The following GALNT17 variants were observed in gnomAD, a reference collection of about 807,000 sequenced individuals.
GALNT17 encodes the protein UDP-GalNAc:polypeptide N-acetylgalactosaminyltransferase-like 3.
A neutral mutation model predicts 63.7 loss-of-function variants in GALNT17; 29 were observed. The ratio of observed to expected loss-of-function variants is 0.46; its 90% CI spans 0.34 to 0.62. GALNT17 has a LOEUF of 0.62. GALNT17 is among the 20% of genes least tolerant of loss of function. The pLI, the probability that GALNT17 is intolerant of heterozygous loss-of-function variation, is 0.01. For synonymous variants in GALNT17, 305 were observed against 318.3 expected (o/e 0.96, Z 0.45); for missense variants, 603 against 799.6 (o/e 0.75, Z 2.97).
intron 1 of GALNT17, among the ~76,000 whole-genome samples, chr7:71,257,388 T>A (rs566247900): frequency 6.6e-6 from 1 of 152,286 alleles, no homozygotes; most frequent in African/African-American, 2.4e-5. Context: ...TCCAAGTAGG[T>A]GGATTAGCTA....
At chr7:71,543,362 A>C (rs1459775919) in intron 5 of GALNT17, among the ~76,000 whole-genome samples, 1 of 152,236 alleles carries the variant, frequency 6.6e-6, no homozygotes, top group Admixed American at 6.5e-5. Context: ...TCGACTAACC[A>C]GGAGACAGGA....
At chr7:71,334,019 A>G (rs1434205997) in intron 1 of GALNT17, among the ~76,000 whole-genome samples, 1 of 152,136 alleles carries the variant, frequency 6.6e-6, no homozygotes, top group African/African-American at 2.4e-5. Flanking sequence ...AGCAGGTAGA[A>G]AGTGCTGGAG....
At position 71,263,856 on chromosome 7, in the gene GALNT17, G is replaced by A. The variant is rs541640111; in HGVS notation, c.239-71694G>A. Among the ~76,000 whole-genome samples, 20 of 151,320 alleles carry A rather than the reference G, an allele frequency of 1.3e-4. No homozygotes were observed. In the South Asian group the frequency reaches 4.0e-3, roughly 30 times the overall value. ...GGAGAATGGCGTGAACCCGGGAGGC[G>A]GAGCTTGCAGTGAGCCGAGATCACA... On this transcript the variant is annotated intron_variant, in intron 1 of 10. Transcript: ENST00000333538.
intron 9 of GALNT17, among the ~76,000 whole-genome samples, chr7:71,705,513 T>C (rs538638881): frequency 2.9e-4 from 44 of 152,316 alleles, no homozygotes; most frequent in Admixed American, 2.4e-3. Context: ...GTAATTCTAC[T>C]CCTAGGTGTA....
intron 1 of GALNT17, among the ~76,000 whole-genome samples, chr7:71,177,304 G>T (rs1001775009): frequency 6.6e-6 from 1 of 152,066 alleles, no homozygotes; most frequent in Non-Finnish European, 1.5e-5. Flanking sequence ...TCTGTCTCCA[G>T]TCACTCAGGG....
intron 5 of GALNT17, among the ~76,000 whole-genome samples, chr7:71,436,990 G>A (rs1044546936): frequency 1.3e-5 from 2 of 152,182 alleles, no homozygotes; most frequent in South Asian, 2.1e-4. Context: ...CACCAAGGAA[G>A]ATGTGTGAAG....
chr7:71,690,768 A>G (rs777943686), intron 9 of GALNT17, among the ~76,000 whole-genome samples: 4 of 152,126 alleles, frequency 2.6e-5, no homozygotes, highest in Admixed American at 6.6e-5. Flanking sequence ...GGAGGAAGGA[A>G]CTCCAGATGT....
Position 71,710,938 on chromosome 7 carries a change from G to C in GALNT17, c.1668+10G>C, listed in dbSNP as rs1316455928. The C allele has an allele frequency of 6.2e-7, 1 of 1,612,554 alleles. No homozygotes were observed. Among genetic ancestry groups the C allele is most frequent in the Non-Finnish European group, 8.5e-7 (1 of 1,179,722 alleles). Reference sequence around the variant, plus strand: ...CTGGAACTTCATCCAGGTGAGTGCTGTATGGACAGAGCCAGCACCCAGAGT... The same window carrying C: ...CTGGAACTTCATCCAGGTGAGTGCTCTATGGACAGAGCCAGCACCCAGAGT... On this transcript the variant is annotated intron_variant, in intron 10 of 10. Transcript: ENST00000333538.
chr7:71,568,439 A>T (rs1367144664), intron 5 of GALNT17, among the ~76,000 whole-genome samples: 2 of 152,190 alleles, frequency 1.3e-5, no homozygotes, highest in East Asian at 3.8e-4. Context: ...TATTATTCTT[A>T]TATTCACTCT....
Position 71,680,537 on chromosome 7 carries a change from TCCCTTCCTCCCTCC to T in GALNT17, c.1500+3233_1500+3246del, listed in dbSNP as rs1284258013. Reference sequence around the variant, plus strand: ...CTCCCTCTCTCCCTTCCTCCCTCCCTCCCTTCCTCCCTCCCTCTCTCCCTTCCTCCCTCCCTCTC... The same window carrying T: ...CTCCCTCTCTCCCTTCCTCCCTCCCTCTCTCTCCCTTCCTCCCTCCCTCTC... On this transcript the variant is annotated intron_variant, in intron 9 of 10. Coordinates refer to ENST00000333538, the MANE Select transcript of GALNT17 (RefSeq NM_022479.3). Among the ~76,000 whole-genome samples, 23 of 24,724 alleles carry T rather than the reference TCCCTTCCTCCCTCC, an allele frequency of 9.3e-4. 5 individuals carry two copies. The highest frequency in any genetic ancestry group is 1.6e-3 in the Non-Finnish European group (14 of 8,748). The allele number at this position is 24,724 out of a possible 152,430, so 16.2% of individuals were successfully genotyped here.
intron 1 of GALNT17, among the ~76,000 whole-genome samples, chr7:71,320,308 T>C (rs10950258): frequency 0.63 from 95,016 of 151,742 alleles, 30,045 homozygotes; most frequent in African/African-American, 0.7. Context: ...ACAATCACAG[T>C]TCACTTCAAC....
chr7:71,676,487 G>A (rs532476376), intron 8 of GALNT17, among the ~76,000 whole-genome samples: 13 of 151,970 alleles, frequency 8.6e-5, no homozygotes, highest in African/African-American at 2.4e-4. Context: ...GGGCTCAAGC[G>A]ATCCTCCCGT....
intron 1 of GALNT17, among the ~76,000 whole-genome samples, chr7:71,164,375 A>G (rs1471204209): frequency 1.3e-5 from 2 of 152,178 alleles, no homozygotes; most frequent in Non-Finnish European, 2.9e-5. Flanking sequence ...TTATCAGACA[A>G]CCAGATCTTG....
rs539300661 is a variant in GALNT17, at chr7:71,556,883, T to C, written c.963-14402T>C. Among the ~76,000 whole-genome samples, 308 of 152,134 alleles carry C rather than the reference T, an allele frequency of 2.0e-3. 1 individual carries two copies. Among genetic ancestry groups the C allele is most frequent in the African/African-American group, 6.8e-3 (282 of 41,526 alleles). On this transcript the variant is annotated intron_variant, in intron 5 of 10. Transcript: ENST00000333538. Reference sequence around the variant, plus strand: ...GCCTGGCCCCCTTGACATAATCTTATTTTGCTCTTTGTCCTCTAATTCCCA... The same window carrying C: ...GCCTGGCCCCCTTGACATAATCTTACTTTGCTCTTTGTCCTCTAATTCCCA...
rs974915462 is a variant in GALNT17 at position 71,346,333 on chromosome 7, A to C, written c.422+10600A>C. ...GAGAGTAGCTGTCCAATGAGTAATA[A>C]TAATAAGTAGCTGTATGCTTAGGAG... On this transcript the variant is annotated intron_variant, in intron 2 of 10. Coordinates refer to ENST00000333538, the MANE Select transcript of GALNT17 (RefSeq NM_022479.3). 1.4e-4 allele frequency among the ~76,000 whole-genome samples: 21 copies of C among 152,196 alleles called. No homozygotes were observed. The East Asian group carries it at 1.9e-3, about 14-fold the overall frequency.
rs138392702 is a variant in GALNT17, at chr7:71,610,306, C to T, written c.1080+38904C>T. Among the ~76,000 whole-genome samples the T allele has an allele frequency of 4.0e-3, 612 of 152,076 alleles. 4 individuals are homozygous for T. Among genetic ancestry groups the T allele is most frequent in the African/African-American group, 0.013 (558 of 41,492 alleles). ...AGGAGTTTGAGACCAACCTGGGCAA[C>T]GTAGCAAGACTCTATCTCTTTAAAA... On this transcript the variant is annotated intron_variant, in intron 6 of 10. Coordinates refer to ENST00000333538, the MANE Select transcript of GALNT17 (RefSeq NM_022479.3).
intron 2 of GALNT17, among the ~76,000 whole-genome samples, chr7:71,348,529 A>G (rs947093036): frequency 1.3e-5 from 2 of 152,152 alleles, no homozygotes; most frequent in African/African-American, 4.8e-5. Context: ...AGCAGTGTCA[A>G]CCTTGTCCTG....
chr7:71,688,964 G>A (rs987921722), intron 9 of GALNT17, among the ~76,000 whole-genome samples: 2 of 152,098 alleles, frequency 1.3e-5, no homozygotes, highest in Non-Finnish European at 2.9e-5. Context: ...ACTTCCTGTC[G>A]CTGTGTCACA....
intron 5 of GALNT17, among the ~76,000 whole-genome samples, chr7:71,455,192 G>T (rs1007970071): frequency 1.3e-5 from 2 of 151,914 alleles, no homozygotes; most frequent in African/African-American, 4.8e-5. Context: ...AAGGAATGCT[G>T]GTCAGTTGTT....
Sources: gnomAD v4.1 joint callset for allele counts (sites outside exome capture counted in the v4.1 genomes callset) on GRCh38, gnomAD v4.1.1 for gene constraint, MANE v1.5 for transcripts, NCBI Gene and HGNC (gene_info 2026-07-23, HGNC 2026-07-21) for gene names.